Variants in PRIM2 observed in about 807,000 individuals in gnomAD.
PRIM2 encodes DNA primase large subunit.
PRIM2 carries 39 observed loss-of-function variants against 67.3 expected under a neutral mutation model. That is an observed-to-expected ratio of 0.58 (90% confidence interval 0.45 to 0.76). The LOEUF (loss-of-function observed/expected upper bound fraction) is 0.76. Among genes scored for constraint, PRIM2 ranks in the 30% least tolerant of loss-of-function variants. PRIM2 has a pLI of 0.00. For missense variants in PRIM2, 398 were observed against 598.7 expected, an observed-to-expected ratio of 0.66 and a Z score of 3.50; for synonymous variants, 143 against 198.7, an observed-to-expected ratio of 0.72 and a Z score of 2.36.
chr6:57,484,455 A>G (rs1298624769), intron 7 of PRIM2, among the ~76,000 whole-genome samples: 1 of 151,958 alleles, frequency 6.6e-6, no homozygotes, highest in South Asian at 2.1e-4. Context: ...CTGAGAAGAA[A>G]CTCATGTGGT....
chr6:57,610,995 C>G (rs1237647515), intron 12 of PRIM2, among the ~76,000 whole-genome samples: 2 of 151,964 alleles, frequency 1.3e-5, no homozygotes, highest in Non-Finnish European at 2.9e-5. Context: ...GGATTTAAAG[C>G]AGAGCAATAA....
At chr6:57,288,662 G>T in the PRIM2 span, among the ~76,000 whole-genome samples, 1,374 of 152,256 alleles carry the variant, frequency 9.0e-3, 29 homozygotes, top group African/African-American at 0.032. Flanking sequence ...GGCAAATAAG[G>T]TCTGGAGTGG....
At chr6:57,375,262 A>G (rs1769722631) in intron 5 of PRIM2, among the ~76,000 whole-genome samples, 1 of 152,160 alleles carries the variant, frequency 6.6e-6, no homozygotes, top group Non-Finnish European at 1.5e-5. Flanking sequence ...GTTTATTGAG[A>G]GTTTTTAACA....
rs1230953675 is a variant in PRIM2 at position 57,406,744 on chromosome 6, T to G, written c.693+24576T>G. Reference sequence around the variant, plus strand: ...GAAATGTTTTATGAGACTCTTGCTGTTTTGTATAAAATCTTATTTTTAATA... The same window carrying G: ...GAAATGTTTTATGAGACTCTTGCTGGTTTGTATAAAATCTTATTTTTAATA... On this transcript the variant is annotated intron_variant, in intron 7 of 13. Coordinates refer to ENST00000615550, the MANE Select transcript of PRIM2 (RefSeq NM_000947.5). Among the ~76,000 whole-genome samples, 3 of 152,136 alleles carry G rather than the reference T, an allele frequency of 2.0e-5. No homozygotes were observed. In the East Asian group the frequency reaches 5.8e-4, roughly 29 times the overall value.
the PRIM2 span, among the ~76,000 whole-genome samples, chr6:57,275,471 A>G: frequency 1.3e-5 from 2 of 151,806 alleles, no homozygotes; most frequent in Non-Finnish European, 3.0e-5. Flanking sequence ...CCTGGGCAAC[A>G]GAGTGAGACT....
At chr6:57,509,218 T>C (rs1235118136) in intron 8 of PRIM2, among the ~76,000 whole-genome samples, 3 of 151,674 alleles carry the variant, frequency 2.0e-5, no homozygotes, top group East Asian at 1.9e-4. Context: ...GTCGTAACCT[T>C]TGTGTAATTG....
intron 7 of PRIM2, among the ~76,000 whole-genome samples, chr6:57,409,100 T>C (rs1352243835): frequency 6.6e-6 from 1 of 152,140 alleles, no homozygotes; most frequent in Non-Finnish European, 1.5e-5. Flanking sequence ...CCAATTCAAA[T>C]GTCCACTTGA....
intron 7 of PRIM2, among the ~76,000 whole-genome samples, chr6:57,470,042 A>G (rs1773297912): frequency 6.6e-6 from 1 of 152,148 alleles, no homozygotes; most frequent in Non-Finnish European, 1.5e-5. Flanking sequence ...CTGTTAAAGC[A>G]GTCTTTCCAT....
chr6:57,412,878 T>C (rs1376460937), intron 7 of PRIM2, among the ~76,000 whole-genome samples: 7 of 152,168 alleles, frequency 4.6e-5, no homozygotes, highest in Non-Finnish European at 1.0e-4. Flanking sequence ...TTTTAGTTTG[T>C]ATTAAATAAT....
intron 7 of PRIM2, among the ~76,000 whole-genome samples, chr6:57,418,417 T>TAA (rs1771352329): frequency 2.4e-5 from 3 of 127,190 alleles, no homozygotes; most frequent in Admixed American, 8.4e-5. Flanking sequence ...TTTTTTTTTT[T>TAA]AACAGATTCT....
the PRIM2 span, among the ~76,000 whole-genome samples, chr6:57,292,680 C>G: frequency 6.6e-6 from 1 of 152,132 alleles, no homozygotes; most frequent in African/African-American, 2.4e-5. Context: ...TCCGAAATAA[C>G]ACCACACATC....
At chr6:57,426,313 A>C (rs1771622844) in intron 7 of PRIM2, among the ~76,000 whole-genome samples, 1 of 152,160 alleles carries the variant, frequency 6.6e-6, no homozygotes. Flanking sequence ...CCTATTTTAG[A>C]GTTTTATGTA....
intron 7 of PRIM2, among the ~76,000 whole-genome samples, chr6:57,427,078 T>C (rs1771657035): frequency 6.6e-6 from 1 of 152,220 alleles, no homozygotes; most frequent in African/African-American, 2.4e-5. Flanking sequence ...TTTTTAGAAC[T>C]GAATTATCTA....
Position 57,413,834 on chromosome 6 carries a change from A to T in PRIM2, c.693+31666A>T, listed in dbSNP as rs1581881720. 4.6e-5 allele frequency among the ~76,000 whole-genome samples: 7 copies of T among 152,070 alleles called. No homozygotes were observed. The South Asian group carries it at 1.4e-3, about 31-fold the overall frequency. ...ATGTGATTTGACTGTGTATCTTGGG[A>T]TTTATGTATTTATCTCATCTATGCA... On this transcript the variant is annotated intron_variant, in intron 7 of 13. Coordinates refer to ENST00000615550, the MANE Select transcript of PRIM2 (RefSeq NM_000947.5).
At chr6:57,303,595 T>C in the PRIM2 span, among the ~76,000 whole-genome samples, 33 of 152,258 alleles carry the variant, frequency 2.2e-4, no homozygotes, top group Admixed American at 6.5e-4. Flanking sequence ...GCCTCACTTA[T>C]GTCTTTTTCA....
the PRIM2 span, among the ~76,000 whole-genome samples, chr6:57,298,924 C>T: frequency 4.4e-3 from 664 of 152,186 alleles, 8 homozygotes; most frequent in African/African-American, 0.015. Flanking sequence ...CCATCTGTCA[C>T]CAAGCCCTGC....
chr6:57,460,156 A>ATT (rs5876570), intron 7 of PRIM2, among the ~76,000 whole-genome samples: 2 of 134,888 alleles, frequency 1.5e-5, no homozygotes, highest in Non-Finnish European at 3.2e-5. Context: ...CCAGGGGTCT[A>ATT]TTTTTTTTTT....
At chr6:57,245,515 T>C in the PRIM2 span, among the ~76,000 whole-genome samples, 5 of 152,212 alleles carry the variant, frequency 3.3e-5, no homozygotes, top group African/African-American at 1.2e-4. Context: ...CTGCAACTCA[T>C]GTCCACCTTT....
the PRIM2 span, among the ~76,000 whole-genome samples, chr6:57,234,626 C>T: frequency 2.6e-5 from 3 of 116,156 alleles, no homozygotes; most frequent in Non-Finnish European, 4.0e-5. Context: ...CAGGTTCAAG[C>T]GATTCTCTTG....
Sources: gnomAD v4.1 joint callset for allele counts (sites outside exome capture counted in the v4.1 genomes callset) on GRCh38, gnomAD v4.1.1 for gene constraint, MANE v1.5 for transcripts, NCBI Gene and HGNC (gene_info 2026-07-23, HGNC 2026-07-21) for gene names.